HS6ST3: variants seen among roughly 807,000 people sequenced by gnomAD.
HS6ST3 encodes the protein heparan-sulfate 6-O-sulfotransferase 3.
HS6ST3 carries 12 observed loss-of-function variants against 36.7 expected under a neutral mutation model. The ratio of observed to expected loss-of-function variants is 0.33; its 90% CI spans 0.21 to 0.53. HS6ST3 has a LOEUF of 0.53. Ranked by LOEUF, HS6ST3 falls within the 20% of genes least tolerant of loss-of-function variation. The pLI is 0.95. For missense variants in HS6ST3, 584 were observed against 640.9 expected, an observed-to-expected ratio of 0.91 and a Z score of 0.96; for synonymous variants, 240 against 257.5, an observed-to-expected ratio of 0.93 and a Z score of 0.65.
chr13:96,706,855 A>G (rs565126699), intron 1 of HS6ST3, among the ~76,000 whole-genome samples: 1 of 152,248 alleles, frequency 6.6e-6, no homozygotes, highest in South Asian at 2.1e-4. Context: ...TTCTCATTCC[A>G]ACCCTTGCCA....
At chr13:96,326,909 T>G (rs2055035122) in intron 1 of HS6ST3, among the ~76,000 whole-genome samples, 1 of 150,600 alleles carries the variant, frequency 6.6e-6, no homozygotes, top group South Asian at 2.1e-4. Flanking sequence ...TGGTTTTGAT[T>G]TGCATTTCTC....
At chr13:96,483,520 A>G (rs1334444851) in intron 1 of HS6ST3, among the ~76,000 whole-genome samples, 1 of 152,232 alleles carries the variant, frequency 6.6e-6, no homozygotes, top group Non-Finnish European at 1.5e-5. Context: ...ATATCGTAAC[A>G]TGATTAGACT....
chr13:96,660,484 A>G (rs1416540238), intron 1 of HS6ST3, among the ~76,000 whole-genome samples: 1 of 152,162 alleles, frequency 6.6e-6, no homozygotes, highest in Non-Finnish European at 1.5e-5. Flanking sequence ...GTGCAAAAGA[A>G]TGGAATTTGA....
chr13:96,391,787 C>T (rs1476033398), intron 1 of HS6ST3, among the ~76,000 whole-genome samples: 1 of 152,166 alleles, frequency 6.6e-6, no homozygotes, highest in African/African-American at 2.4e-5. Flanking sequence ...GAAAGTCCTG[C>T]ACCCACGATT....
chr13:96,686,619 GC>G (rs1360215391), intron 1 of HS6ST3, among the ~76,000 whole-genome samples: 7 of 151,998 alleles, frequency 4.6e-5, no homozygotes, highest in Non-Finnish European at 8.8e-5. Context: ...GTGTATGACA[GC>G]GGGCCTATGT....
intron 1 of HS6ST3, among the ~76,000 whole-genome samples, chr13:96,496,684 A>G (rs1259269986): frequency 6.6e-6 from 1 of 152,182 alleles, no homozygotes; most frequent in Non-Finnish European, 1.5e-5. Flanking sequence ...TATGTGGAGG[A>G]GAAAATGCAC....
At chr13:96,413,218 A>G (rs2055516834) in intron 1 of HS6ST3, among the ~76,000 whole-genome samples, 1 of 152,176 alleles carries the variant, frequency 6.6e-6, no homozygotes, top group Non-Finnish European at 1.5e-5. Flanking sequence ...TTCAGACTAG[A>G]TAATGTTTCA....
At chr13:96,498,338 A>G (rs1365149248) in intron 1 of HS6ST3, among the ~76,000 whole-genome samples, 2 of 152,174 alleles carry the variant, frequency 1.3e-5, no homozygotes, top group African/African-American at 4.8e-5. Context: ...CAGGAGGTGG[A>G]GCAGGGGGAG....
chr13:96,161,783 A>G (rs1346765419), intron 1 of HS6ST3, among the ~76,000 whole-genome samples: 1 of 152,242 alleles, frequency 6.6e-6, no homozygotes, highest in African/African-American at 2.4e-5. Flanking sequence ...ACATAAGAGC[A>G]GAAGCGAAAT....
chr13:96,414,487 T>G (rs1335768053), intron 1 of HS6ST3, among the ~76,000 whole-genome samples: 2 of 152,224 alleles, frequency 1.3e-5, no homozygotes, highest in Non-Finnish European at 2.9e-5. Context: ...TTTTCTTTCT[T>G]TCTTTTTTTT....
intron 1 of HS6ST3, among the ~76,000 whole-genome samples, chr13:96,095,162 T>A (rs559372212): frequency 6.6e-6 from 1 of 152,264 alleles, no homozygotes; most frequent in African/African-American, 2.4e-5. Flanking sequence ...ATTCAATGTT[T>A]TGCTTACTAT....
intron 1 of HS6ST3, among the ~76,000 whole-genome samples, chr13:96,757,881 G>A (rs1876871914): frequency 6.6e-6 from 1 of 151,924 alleles, no homozygotes; most frequent in South Asian, 2.1e-4. Context: ...AATATTTTGT[G>A]TGCATTGAGG....
intron 1 of HS6ST3, among the ~76,000 whole-genome samples, chr13:96,371,737 T>C (rs1437689720): frequency 6.6e-6 from 1 of 152,204 alleles, no homozygotes; most frequent in Non-Finnish European, 1.5e-5. Context: ...GTCTGACTTA[T>C]TTTTAGCATA....
chr13:96,164,254 A>G (rs1224654186), intron 1 of HS6ST3, among the ~76,000 whole-genome samples: 1 of 152,190 alleles, frequency 6.6e-6, no homozygotes, highest in Admixed American at 6.5e-5. Flanking sequence ...CTTTCCAAGG[A>G]TATCATGCAT....
intron 1 of HS6ST3, among the ~76,000 whole-genome samples, chr13:96,636,336 A>G (rs1307822533): frequency 6.6e-6 from 1 of 152,220 alleles, no homozygotes; most frequent in Non-Finnish European, 1.5e-5. Context: ...TATGTGGCTG[A>G]TAAGAGAACT....
At chr13:96,230,416 TAAA>T (rs1291286435) in intron 1 of HS6ST3, among the ~76,000 whole-genome samples, 8 of 152,066 alleles carry the variant, frequency 5.3e-5, no homozygotes, top group Non-Finnish European at 1.2e-4. Flanking sequence ...ATGGGAAAGG[TAAA>T]TTGAGTGTTT....
rs191073686 is a variant in HS6ST3, at chr13:96,106,516, A to G, written c.707+14947A>G. Among the ~76,000 whole-genome samples the G allele has an allele frequency of 1.6e-4, 25 of 152,364 alleles. No individual in the cohort carries two copies. The East Asian group carries it at 4.8e-3, about 29-fold the overall frequency. On this transcript the variant is annotated intron_variant, in intron 1 of 1. Coordinates refer to ENST00000376705, the MANE Select transcript of HS6ST3 (RefSeq NM_153456.4). ...CCCCAGTCAGCTCTTTACAGACAGC[A>G]GCCTTGTGAGAGACCCTGAGCCAGA...
At chr13:96,238,796 A>G (rs1404157829) in intron 1 of HS6ST3, among the ~76,000 whole-genome samples, 1 of 152,240 alleles carries the variant, frequency 6.6e-6, no homozygotes, top group African/African-American at 2.4e-5. Flanking sequence ...CTTTCAATAT[A>G]TTTGTGAAAC....
At chr13:96,672,927 A>G (rs2056687226) in intron 1 of HS6ST3, among the ~76,000 whole-genome samples, 1 of 152,156 alleles carries the variant, frequency 6.6e-6, no homozygotes, top group Non-Finnish European at 1.5e-5. Context: ...ACAAATGACA[A>G]CACTGGGTGG....
Sources: allele counts gnomAD v4.1 joint callset (sites outside exome capture counted in the v4.1 genomes callset), GRCh38; gene constraint gnomAD v4.1.1; transcripts MANE v1.5; gene names NCBI Gene and HGNC (gene_info 2026-07-23, HGNC 2026-07-21).